ANO3: variants seen among roughly 807,000 people sequenced by gnomAD.
ANO3 encodes the protein anoctamin 3.
ANO3 carries 99 observed loss-of-function variants against 144.8 expected under a neutral mutation model. The ratio of observed to expected loss-of-function variants is 0.68; its 90% CI spans 0.58 to 0.81. ANO3 has a LOEUF of 0.81. ANO3 is among the 30% of genes least tolerant of loss of function. The pLI, the probability that ANO3 is intolerant of heterozygous loss-of-function variation, is 0.00. For synonymous variants in ANO3, 414 were observed against 392.6 expected (o/e 1.05, Z -0.64); for missense variants, 905 against 1,202.2 (o/e 0.75, Z 3.66).
chr11:26,504,623 G>A (rs2134130239), intron 4 of ANO3, among the ~76,000 whole-genome samples: 1 of 152,272 alleles, frequency 6.6e-6, no homozygotes, highest in South Asian at 2.1e-4. Flanking sequence ...GTAACTTGGA[G>A]AGCAACTGGA....
chr11:26,592,852 A>C (rs293997), intron 14 of ANO3, among the ~76,000 whole-genome samples: 132,868 of 151,888 alleles, frequency 0.87, 58,427 homozygotes, highest in East Asian at 0.96. Context: ...AATGGGCTAG[A>C]CATCCTGAGG....
At chr11:26,216,315 C>A (rs1447932169) in intron 1 of ANO3, among the ~76,000 whole-genome samples, 1 of 151,866 alleles carries the variant, frequency 6.6e-6, no homozygotes, top group Non-Finnish European at 1.5e-5. Flanking sequence ...CATTAATTAA[C>A]CTCCCTCCTC....
chr11:26,200,094 T>C (rs1851663566), intron 1 of ANO3, among the ~76,000 whole-genome samples: 1 of 152,124 alleles, frequency 6.6e-6, no homozygotes, highest in Non-Finnish European at 1.5e-5. Flanking sequence ...AGCCTGGTAT[T>C]GTCAAAAATG....
chr11:26,411,188 G>A (rs1456117135), intron 1 of ANO3, among the ~76,000 whole-genome samples: 2 of 152,000 alleles, frequency 1.3e-5, no homozygotes, highest in African/African-American at 2.4e-5. Context: ...AATTTGCAGA[G>A]TATGGCATTT....
chr11:26,201,339 A>G (rs1299473746), intron 1 of ANO3, among the ~76,000 whole-genome samples: 1 of 152,164 alleles, frequency 6.6e-6, no homozygotes, highest in East Asian at 1.9e-4. Flanking sequence ...GAGAATATCT[A>G]AAACTTTTAT....
intron 1 of ANO3, among the ~76,000 whole-genome samples, chr11:26,428,742 TGTG>T (rs746164335): frequency 4.6e-5 from 7 of 151,984 alleles, no homozygotes; most frequent in Non-Finnish European, 8.8e-5. Flanking sequence ...TGTGTGTGTG[TGTG>T]TGTGTGTGTA....
chr11:26,475,671 A>G (rs1859937662), intron 4 of ANO3, among the ~76,000 whole-genome samples: 1 of 152,110 alleles, frequency 6.6e-6, no homozygotes, highest in Non-Finnish European at 1.5e-5. Context: ...CTGCATAATT[A>G]TACTTAATAT....
intron 1 of ANO3, among the ~76,000 whole-genome samples, chr11:26,365,806 G>A (rs1856054189): frequency 6.6e-6 from 1 of 151,896 alleles, no homozygotes; most frequent in Admixed American, 6.6e-5. Flanking sequence ...GAGGTGAGAG[G>A]TTGCTGTGAA....
intron 1 of ANO3, among the ~76,000 whole-genome samples, chr11:26,302,887 G>A (rs1459268819): frequency 2.0e-5 from 3 of 151,998 alleles, no homozygotes; most frequent in African/African-American, 7.3e-5. Context: ...ATTAATAATG[G>A]GCAAAGGAAA....
chr11:26,627,973 A>C (rs964136223), intron 18 of ANO3, among the ~76,000 whole-genome samples: 1 of 152,120 alleles, frequency 6.6e-6, no homozygotes, highest in Non-Finnish European at 1.5e-5. Context: ...GAATTTTTTT[A>C]AACTTTCTGT....
chr11:26,262,880 A>C (rs567576043), intron 1 of ANO3, among the ~76,000 whole-genome samples: 1 of 152,258 alleles, frequency 6.6e-6, no homozygotes, highest in African/African-American at 2.4e-5. Flanking sequence ...AGCTTTCAGA[A>C]CTGTGAGAAA....
chr11:26,233,021 C>T (rs1399334748), intron 1 of ANO3, among the ~76,000 whole-genome samples: 1 of 149,964 alleles, frequency 6.7e-6, no homozygotes, highest in African/African-American at 2.5e-5. Flanking sequence ...ATCGAGACAT[C>T]CTGGCTAACA....
At chr11:26,370,941 A>G (rs1375380547) in intron 1 of ANO3, among the ~76,000 whole-genome samples, 2 of 152,226 alleles carry the variant, frequency 1.3e-5, no homozygotes, top group Non-Finnish European at 2.9e-5. Context: ...GCAATAGAAA[A>G]GAAAAACCCA....
Position 26,662,676 on chromosome 11 carries a change from C to T in ANO3, c.*2232C>T, listed in dbSNP as rs865994099. 19 of 151,820 alleles carry T rather than the reference C, an allele frequency of 1.3e-4. 1 individual carries two copies. The highest frequency in any genetic ancestry group is 4.6e-4 in the African/African-American group (19 of 41,440). 9.4% of individuals were successfully genotyped at this position (151,820 alleles called of 1,614,324 possible). On this transcript the variant is annotated 3_prime_UTR_variant, in exon 27 of 27. Coordinates refer to ENST00000256737, the MANE Select transcript of ANO3 (RefSeq NM_031418.4). ...ATATTTTAATTTAAAAATTGTAATA[C>T]ATTGATTTATAAAATGCCTTCTCTG... is the stretch of plus-strand genomic sequence containing the variant.
chr11:26,297,207 G>GTGTGTGTA (rs1368791565), intron 1 of ANO3, among the ~76,000 whole-genome samples: 6 of 151,948 alleles, frequency 3.9e-5, no homozygotes, highest in African/African-American at 1.5e-4. Context: ...GTGTGTGTGT[G>GTGTGTGTA]TGTGAATTTC....
chr11:26,320,476 AC>A (rs1854731897), intron 1 of ANO3, among the ~76,000 whole-genome samples: 1 of 152,056 alleles, frequency 6.6e-6, no homozygotes, highest in South Asian at 2.1e-4. Context: ...GCTCTTAAAA[AC>A]TTCTGTTAAA....
intron 4 of ANO3, among the ~76,000 whole-genome samples, chr11:26,464,477 A>T (rs2134059977): frequency 6.6e-6 from 1 of 152,024 alleles, no homozygotes; most frequent in Admixed American, 6.6e-5. Flanking sequence ...TGAAATAATT[A>T]GAAAATGAAC....
At chr11:26,455,011 C>G (rs1565035344) in intron 3 of ANO3, among the ~76,000 whole-genome samples, 2 of 150,932 alleles carry the variant, frequency 1.3e-5, no homozygotes, top group Admixed American at 6.6e-5. Flanking sequence ...AGGCCTTTGA[C>G]AAAATTCAAC....
At chr11:26,616,396 T>G (rs1565145121) in intron 17 of ANO3, among the ~76,000 whole-genome samples, 1 of 151,732 alleles carries the variant, frequency 6.6e-6, no homozygotes, top group Non-Finnish European at 1.5e-5. Context: ...TCTCCTCCCA[T>G]TAAGTATTAT....
Sources: gnomAD v4.1 joint callset for allele counts (sites outside exome capture counted in the v4.1 genomes callset) on GRCh38, gnomAD v4.1.1 for gene constraint, MANE v1.5 for transcripts, NCBI Gene and HGNC (gene_info 2026-07-23, HGNC 2026-07-21) for gene names.